Variants in CD99 observed in about 807,000 individuals in gnomAD.
The protein encoded by CD99 is CD99 antigen.
A neutral mutation model predicts 28.4 loss-of-function variants in CD99; 19 were observed. The observed-to-expected ratio is 0.67, with a 90% CI of 0.47 to 0.98. The LOEUF is 0.98. CD99 is among the 50% of genes least tolerant of loss of function. The pLI is 0.00. For missense variants in CD99, 283 were observed against 248.8 expected, an observed-to-expected ratio of 1.14 and a Z score of -0.92; for synonymous variants, 103 against 92.1, an observed-to-expected ratio of 1.12 and a Z score of -0.67.
intron 1 of CD99, among the ~76,000 whole-genome samples, chrX:2,712,856 C>G (rs1314570009): frequency 2.0e-5 from 3 of 152,110 alleles, no homozygotes; most frequent in Non-Finnish European, 2.9e-5. Context: ...TCACACTATA[C>G]TCACCTACCC....
intron 1 of CD99, among the ~76,000 whole-genome samples, chrX:2,703,652 T>TGTGTGTGTGTGTGTG (rs1453070323): frequency 8.6e-6 from 1 of 116,326 alleles, no homozygotes. Context: ...GTGTGTGTGT[T>TGTGTGTGTGTGTGTG]GGCCTCACAT....
intron 5 of CD99, among the ~76,000 whole-genome samples, chrX:2,721,571 C>T: frequency 6.6e-6 from 1 of 152,268 alleles, no homozygotes; most frequent in South Asian, 2.1e-4. Context: ...TCTGAGATTA[C>T]AGGCACGAGT....
chrX:2,698,851 A>G (rs311039), intron 1 of CD99, among the ~76,000 whole-genome samples: 89,396 of 151,864 alleles, frequency 0.59, 27,126 homozygotes, highest in African/African-American at 0.72. Flanking sequence ...CTTTGGCCCC[A>G]TTGCGGGAAG....
intron 1 of CD99, among the ~76,000 whole-genome samples, chrX:2,709,161 CCAGA>C (rs958526334): frequency 6.0e-4 from 92 of 152,282 alleles, no homozygotes; most frequent in African/African-American, 1.6e-3. Flanking sequence ...TGGACACACA[CCAGA>C]CAGACACACA....
chrX:2,733,892 T>C (rs1007313308), intron 8 of CD99, among the ~76,000 whole-genome samples: 2 of 152,254 alleles, frequency 1.3e-5, no homozygotes, highest in African/African-American at 4.8e-5. Context: ...GAAGCAGTTC[T>C]TAACTCTTTC....
chrX:2,704,678 C>T (rs993275260), intron 1 of CD99, among the ~76,000 whole-genome samples: 11 of 152,202 alleles, frequency 7.2e-5, no homozygotes, highest in Non-Finnish European at 1.2e-4. Context: ...CTGCCTCAAC[C>T]TCCCAAAGTG....
chrX:2,715,109 CTCCT>C (rs1311953779), intron 2 of CD99: 4 of 152,326 alleles, frequency 2.6e-5, no homozygotes, highest in African/African-American at 7.2e-5. Flanking sequence ...CATGGGGCCA[CTCCT>C]TCCTTCTTCT....
chrX:2,695,726 C>T (rs769966856), intron 1 of CD99, among the ~76,000 whole-genome samples: 92 of 151,954 alleles, frequency 6.1e-4, no homozygotes, highest in African/African-American at 2.1e-3. Context: ...CTGTGTCTCC[C>T]GGGCTCAGGC....
intron 1 of CD99, among the ~76,000 whole-genome samples, chrX:2,709,989 A>G (rs778796042): frequency 6.6e-6 from 1 of 152,296 alleles, no homozygotes; most frequent in South Asian, 2.1e-4. Context: ...TGTGTACCAC[A>G]TGTGACATTT....
Position 2,706,890 on chromosome X carries a change from G to A in CD99, c.68-7532G>A, listed in dbSNP as rs57634738. On this transcript the variant is annotated intron_variant, in intron 1 of 9. Coordinates refer to ENST00000381192, the MANE Select transcript of CD99 (RefSeq NM_002414.5). ...GGCTGGAGTGCAGTGGTGCGATCTC[G>A]GCTCACTGCAACCTCCACCTCCCGG... Among the ~76,000 whole-genome samples the A allele has an allele frequency of 9.3e-4, 141 of 151,680 alleles. 1 individual carries two copies. Among genetic ancestry groups the A allele is most frequent in the African/African-American group, 3.1e-3 (130 of 41,350 alleles).
intron 2 of CD99, among the ~76,000 whole-genome samples, chrX:2,716,456 CCTG>C (rs369260301): frequency 1.1e-4 from 17 of 152,324 alleles, no homozygotes; most frequent in African/African-American, 3.6e-4. Context: ...CCCACCTCAG[CCTG>C]CTGAGTAGCT....
At chrX:2,723,624 C>A (rs2049117681) in intron 7 of CD99, among the ~76,000 whole-genome samples, 1 of 152,094 alleles carries the variant, frequency 6.6e-6, no homozygotes, top group African/African-American at 2.4e-5. Context: ...GCGACCCGAC[C>A]CCTACATCAC....
chrX:2,714,705 A>T, intron 2 of CD99: 1 of 377,686 alleles, frequency 2.6e-6, no homozygotes, highest in East Asian at 3.9e-5. Context: ...AAATGCAGAT[A>T]CAGAGACAGG....
intron 7 of CD99, among the ~76,000 whole-genome samples, chrX:2,724,897 C>CA (rs928597818): frequency 0.035 from 4,169 of 119,994 alleles, 93 homozygotes; most frequent in East Asian, 0.14. Flanking sequence ...GACTGCATTT[C>CA]AAAAAAAAAA....
At chrX:2,693,711 C>A (rs1436175914) in intron 1 of CD99, among the ~76,000 whole-genome samples, 1 of 152,028 alleles carries the variant, frequency 6.6e-6, no homozygotes, top group Non-Finnish European at 1.5e-5. Flanking sequence ...TTCATAAATT[C>A]TCAGGGGTAC....
chrX:2,721,257 G>A (rs752457371), intron 5 of CD99, among the ~76,000 whole-genome samples: 106 of 151,620 alleles, frequency 7.0e-4, no homozygotes, highest in African/African-American at 2.1e-3. Flanking sequence ...ACATTTTGAT[G>A]GCTATTTGTG....
intron 3 of CD99, chrX:2,718,094 C>T (rs2048821302): frequency 1.2e-5 from 2 of 169,006 alleles, no homozygotes; most frequent in South Asian, 3.1e-4. Context: ...GCACCAGCCA[C>T]CACACCTGGT....
rs1235015522 is a variant in CD99, at chrX:2,741,213, A to G, written c.*409A>G. ...TAGCCCCGACTTCTTTTTAATTAAA[A>G]TAAGGTAAGCCCTTCAATTTGTTTC... On this transcript the variant is annotated 3_prime_UTR_variant, in exon 10 of 10. Coordinates refer to ENST00000381192, the MANE Select transcript of CD99 (RefSeq NM_002414.5). 5.0e-6 allele frequency: 1 copy of G among 201,032 alleles called. No individual in the cohort carries two copies. Among genetic ancestry groups the G allele is most frequent in the Non-Finnish European group, 9.9e-6 (1 of 100,718 alleles). The allele number at this position is 201,032 out of a possible 1,614,324, so 12.5% of individuals were successfully genotyped here. A position where few individuals can be genotyped will look rare whatever the true frequency, so the allele number is the denominator to read the frequency against.
At chrX:2,717,885 T>G in intron 3 of CD99, 1 of 572,608 alleles carries the variant, frequency 1.7e-6, no homozygotes, top group Non-Finnish European at 3.2e-6. Flanking sequence ...ACAACATCTC[T>G]GTGTGCTTTT....
Sources: allele counts gnomAD v4.1 joint callset (sites outside exome capture counted in the v4.1 genomes callset), GRCh38; gene constraint gnomAD v4.1.1; transcripts MANE v1.5; gene names NCBI Gene and HGNC (gene_info 2026-07-23, HGNC 2026-07-21).